Variants in FHOD3 observed in about 807,000 individuals in gnomAD.
The protein encoded by FHOD3 is FH1/FH2 domain-containing protein 3.
FHOD3 carries 90 observed loss-of-function variants against 173.0 expected under a neutral mutation model. The ratio of observed to expected loss-of-function variants is 0.52; its 90% CI spans 0.44 to 0.62. The LOEUF (loss-of-function observed/expected upper bound fraction) is 0.62, where lower values mean the gene tolerates loss of function less well. Among genes scored for constraint, FHOD3 ranks in the 20% least tolerant of loss-of-function variants. The pLI is 0.00. For synonymous variants in FHOD3, 828 were observed against 823.0 expected, an observed-to-expected ratio of 1.01 and a Z score of -0.10; for missense variants, 1,945 against 2,034.7, an observed-to-expected ratio of 0.96 and a Z score of 0.85.
intron 3 of FHOD3, among the ~76,000 whole-genome samples, chr18:36,464,789 T>C (rs967824278): frequency 2.0e-5 from 3 of 151,612 alleles, no homozygotes; most frequent in Non-Finnish European, 4.4e-5. Context: ...TCAGAGGAAA[T>C]AAGAACAAAG....
At chr18:36,758,504 A>T (rs1001959996) in intron 25 of FHOD3, among the ~76,000 whole-genome samples, 1 of 152,218 alleles carries the variant, frequency 6.6e-6, no homozygotes, top group South Asian at 2.1e-4. Context: ...AATTAATTTC[A>T]TGCTCCTGAG....
intron 5 of FHOD3, among the ~76,000 whole-genome samples, chr18:36,544,241 G>A (rs1405687319): frequency 1.3e-5 from 2 of 152,204 alleles, no homozygotes; most frequent in African/African-American, 4.8e-5. Context: ...AGTGCCGGGA[G>A]CTGGTGCCAC....
At chr18:36,684,784 C>T (rs759659973) in intron 15 of FHOD3, among the ~76,000 whole-genome samples, 1 of 152,102 alleles carries the variant, frequency 6.6e-6, no homozygotes, top group African/African-American at 2.4e-5. Flanking sequence ...GAGAATAGGA[C>T]AAGAGTGCAT....
chr18:36,625,787 T>G (rs1260829973), intron 10 of FHOD3, 38 bp downstream of exon 10: 7 of 1,537,172 alleles, frequency 4.6e-6, no homozygotes, highest in Non-Finnish European at 6.2e-6. Flanking sequence ...GGTGCAAGGA[T>G]GCCATCCAAA....
chr18:36,325,958 G>T (rs937007929), intron 1 of FHOD3, among the ~76,000 whole-genome samples: 3 of 152,198 alleles, frequency 2.0e-5, no homozygotes, highest in Admixed American at 1.3e-4. Context: ...TTCAGGGAAA[G>T]AAAACCTCAT....
chr18:36,523,001 T>G (rs1346188829), intron 5 of FHOD3, among the ~76,000 whole-genome samples: 1 of 152,176 alleles, frequency 6.6e-6, no homozygotes, highest in African/African-American at 2.4e-5. Context: ...AACTGGACCT[T>G]TCCAAAACCA....
intron 8 of FHOD3, among the ~76,000 whole-genome samples, chr18:36,604,403 A>G (rs1309579773): frequency 6.6e-6 from 1 of 152,158 alleles, no homozygotes; most frequent in Non-Finnish European, 1.5e-5. Flanking sequence ...AAATGTGCAG[A>G]CTCTGAGGAT....
intron 3 of FHOD3, among the ~76,000 whole-genome samples, chr18:36,483,726 T>G (rs763885929): frequency 6.6e-6 from 1 of 152,226 alleles, no homozygotes; most frequent in African/African-American, 2.4e-5. Flanking sequence ...TTCTGGCCAA[T>G]GACATATCTT....
intron 3 of FHOD3, among the ~76,000 whole-genome samples, chr18:36,450,439 G>GTTTATTTA (rs1380966170): frequency 0.011 from 978 of 91,140 alleles, 7 homozygotes; most frequent in African/African-American, 0.016. Flanking sequence ...TTTACGACCA[G>GTTTATTTA]TTTGTTTATT....
chr18:36,759,750 T>C (rs562458087), intron 26 of FHOD3, among the ~76,000 whole-genome samples: 74 of 151,868 alleles, frequency 4.9e-4, no homozygotes, highest in South Asian at 4.2e-4. Context: ...GTGTAGATGC[T>C]ACAAGCCACA....
At chr18:36,409,866 C>T (rs527305784) in intron 3 of FHOD3, among the ~76,000 whole-genome samples, 2 of 152,256 alleles carry the variant, frequency 1.3e-5, no homozygotes, top group Admixed American at 1.3e-4. Context: ...TCCCTTCTGC[C>T]CCTCTGTTGA....
chr18:36,403,164 T>C (rs1291263407), intron 3 of FHOD3, among the ~76,000 whole-genome samples: 2 of 152,146 alleles, frequency 1.3e-5, no homozygotes, highest in African/African-American at 4.8e-5. Flanking sequence ...CCCAGAGTAG[T>C]TGAGGGAGCT....
chr18:36,613,783 C>T lies in FHOD3; in HGVS notation c.957+1688C>T, dbSNP rs568411164. On this transcript the variant is annotated intron_variant, in intron 9 of 28. Transcript: ENST00000590592. Reference sequence around the variant, plus strand: ...CTGCCTCCTGGGTTCAAATGATTCTCCAGCCTCAGCTTTCCCAGTAGCTGG... The same window carrying T: ...CTGCCTCCTGGGTTCAAATGATTCTTCAGCCTCAGCTTTCCCAGTAGCTGG... Among the ~76,000 whole-genome samples the T allele has an allele frequency of 8.4e-4, 128 of 152,248 alleles. 1 individual carries two copies. The highest frequency in any genetic ancestry group is 1.5e-3 in the Non-Finnish European group (102 of 68,014).
chr18:36,303,489 A>G (rs1252809005), intron 1 of FHOD3, among the ~76,000 whole-genome samples: 7 of 152,130 alleles, frequency 4.6e-5, no homozygotes, highest in Non-Finnish European at 1.0e-4. Context: ...CTCGGACTCC[A>G]ACCTGAGTCC....
intron 5 of FHOD3, among the ~76,000 whole-genome samples, chr18:36,518,802 T>C (rs1486344139): frequency 1.3e-5 from 2 of 152,156 alleles, no homozygotes. Flanking sequence ...TGGTGTTTGC[T>C]TTTTCTTCCT....
intron 14 of FHOD3, among the ~76,000 whole-genome samples, chr18:36,679,883 T>C (rs976593205): frequency 2.0e-5 from 3 of 152,182 alleles, no homozygotes; most frequent in African/African-American, 4.8e-5. Flanking sequence ...TACATGTTAA[T>C]CTATTAGATA....
At chr18:36,673,971 A>G (rs894821784) in intron 14 of FHOD3, among the ~76,000 whole-genome samples, 3 of 152,168 alleles carry the variant, frequency 2.0e-5, no homozygotes, top group Non-Finnish European at 2.9e-5. Context: ...CTGAATTCCT[A>G]TGAGAAAAAC....
intron 3 of FHOD3, among the ~76,000 whole-genome samples, chr18:36,449,760 G>A (rs7243215): frequency 0.066 from 10,005 of 152,158 alleles, 1,120 homozygotes; most frequent in African/African-American, 0.23. Context: ...TTTTCTCGAT[G>A]TATTAGGGAA....
chr18:36,755,390 A>T, intron 25 of FHOD3, 79 bp downstream of exon 25: 1 of 768,558 alleles, frequency 1.3e-6, no homozygotes, highest in Non-Finnish European at 1.7e-6. Flanking sequence ...CACAGTTAAA[A>T]GCTGTGCTTT....
Sources: gnomAD v4.1 joint callset for allele counts (sites outside exome capture counted in the v4.1 genomes callset) on GRCh38, gnomAD v4.1.1 for gene constraint, MANE v1.5 for transcripts, NCBI Gene and HGNC (gene_info 2026-07-23, HGNC 2026-07-21) for gene names.